Variants in SRGAP3 observed in about 807,000 individuals in gnomAD.
SRGAP3 encodes the protein SLIT-ROBO Rho GTPase-activating protein 3.
Under a neutral mutation model 121.1 loss-of-function variants are expected in SRGAP3, and 39 were observed. The ratio of observed to expected loss-of-function variants is 0.32; its 90% confidence interval spans 0.25 to 0.42. The LOEUF is 0.42. SRGAP3 is among the 10% of genes least tolerant of loss of function. The pLI is 1.00. For missense variants in SRGAP3, 1,213 were observed against 1,470.6 expected, an observed-to-expected ratio of 0.82 and a Z score of 2.86; for synonymous variants, 601 against 570.0, an observed-to-expected ratio of 1.05 and a Z score of -0.77.
intron 1 of SRGAP3, among the ~76,000 whole-genome samples, chr3:9,350,646 T>C (rs1326231944): frequency 6.6e-6 from 1 of 152,252 alleles, no homozygotes; most frequent in African/African-American, 2.4e-5. Context: ...AAAGTCTTTC[T>C]GAATAGACTT....
intron 9 of SRGAP3, among the ~76,000 whole-genome samples, chr3:9,051,007 A>C (rs1945540474): frequency 7.3e-6 from 1 of 137,770 alleles, no homozygotes; most frequent in South Asian, 2.5e-4. Flanking sequence ...AATCAATATT[A>C]GCCTCATTGC....
At chr3:9,288,920 G>C (rs1017463434) in intron 3 of SRGAP3, among the ~76,000 whole-genome samples, 33 of 147,132 alleles carry the variant, frequency 2.2e-4, no homozygotes, top group African/African-American at 7.8e-4. Context: ...TTTTTCAGAT[G>C]GAGTCTCGCT....
rs772781725 is a variant in SRGAP3, at chr3:8,994,398, G to T, written c.2353C>A (p.Arg785=). ...HRASEDWWEG[R]HNGVDGLIPH... ...ATGAGTCCATCCACGCCGTTGTGCC[G>T]GCCCTCCCACCAGTCCTCCGAGGCG... The change falls in exon 19 of 22, where the codon CGG becomes AGG. Residue 785 remains arginine (R), a synonymous_variant. Transcript: ENST00000383836. The T allele has an allele frequency of 3.7e-6, 6 of 1,614,078 alleles. No individual in the cohort carries two copies. The highest frequency in any genetic ancestry group is 5.1e-6 in the Non-Finnish European group (6 of 1,180,052).
At chr3:9,318,790 G>A (rs1464035875) in intron 3 of SRGAP3, among the ~76,000 whole-genome samples, 1 of 151,532 alleles carries the variant, frequency 6.6e-6, no homozygotes, top group African/African-American at 2.4e-5. Flanking sequence ...GAGATGGGGG[G>A]ATCGCTTGAG....
At chr3:9,149,733 TC>T (rs1950149530) in intron 1 of SRGAP3, among the ~76,000 whole-genome samples, 2 of 152,200 alleles carry the variant, frequency 1.3e-5, no homozygotes, top group Non-Finnish European at 2.9e-5. Flanking sequence ...CCAGCCAAGT[TC>T]AACAGAACTG....
intron 1 of SRGAP3, among the ~76,000 whole-genome samples, chr3:9,361,259 T>C (rs750604846): frequency 1.3e-4 from 20 of 152,152 alleles, no homozygotes; most frequent in Non-Finnish European, 2.8e-4. Flanking sequence ...AGTGTCACCA[T>C]GCCTAGCTAA....
intron 3 of SRGAP3, among the ~76,000 whole-genome samples, chr3:9,094,795 G>C (rs1001293187): frequency 1.3e-5 from 2 of 151,896 alleles, no homozygotes; most frequent in African/African-American, 2.4e-5. Flanking sequence ...TTGCTCGGTT[G>C]CCCAGGCTGG....
At position 9,202,842 on chromosome 3, in the gene SRGAP3, G is replaced by A. The variant is rs559716660; in HGVS notation, c.67+46043C>T. Among the ~76,000 whole-genome samples the A allele has an allele frequency of 4.6e-5, 7 of 152,350 alleles. No individual in the cohort carries two copies. In the South Asian group the frequency reaches 6.2e-4, roughly 14 times the overall value. On this transcript the variant is annotated intron_variant, in intron 1 of 21. Transcript: ENST00000383836. ...CCCACAGTGGCTGACAGCTCCCAGC[G>A]GAGCCCCTCTCCAGAACATGCTCTA...
chr3:9,223,708 G>T (rs555618406), intron 1 of SRGAP3, among the ~76,000 whole-genome samples: 2 of 152,310 alleles, frequency 1.3e-5, no homozygotes, highest in South Asian at 4.1e-4. Context: ...GTGTTCCAAA[G>T]GCATTTTATC....
intron 1 of SRGAP3, among the ~76,000 whole-genome samples, chr3:9,204,345 G>C (rs1162703645): frequency 6.6e-6 from 1 of 152,174 alleles, no homozygotes; most frequent in Non-Finnish European, 1.5e-5. Context: ...GACAGAGCAT[G>C]AAGAGAGTTC....
intron 4 of SRGAP3, among the ~76,000 whole-genome samples, chr3:9,079,436 A>C (rs991031890): frequency 1.3e-5 from 2 of 152,186 alleles, no homozygotes; most frequent in Non-Finnish European, 2.9e-5. Flanking sequence ...TCTAAAACTC[A>C]TCTCAAGCAC....
intron 1 of SRGAP3, among the ~76,000 whole-genome samples, chr3:9,361,481 C>T (rs1297956750): frequency 6.6e-6 from 1 of 151,958 alleles, no homozygotes; most frequent in Non-Finnish European, 1.5e-5. Flanking sequence ...TTGTTGGGTT[C>T]CTTTCACAAT....
intron 1 of SRGAP3, among the ~76,000 whole-genome samples, chr3:9,241,830 T>G (rs909553943): frequency 1.3e-5 from 2 of 151,876 alleles, no homozygotes; most frequent in Non-Finnish European, 2.9e-5. Flanking sequence ...GTAATAATGC[T>G]CTTTGGGAGG....
chr3:9,149,213 CAAAAA>C (rs548286364), intron 1 of SRGAP3, among the ~76,000 whole-genome samples: 2 of 56,608 alleles, frequency 3.5e-5, no homozygotes, highest in African/African-American at 6.5e-5. Context: ...GACTCCGTCT[CAAAAA>C]AAAAAAAAAA....
At chr3:8,997,049 TC>T (rs1942449367) in intron 18 of SRGAP3, among the ~76,000 whole-genome samples, 1 of 152,144 alleles carries the variant, frequency 6.6e-6, no homozygotes, top group African/African-American at 2.4e-5. Flanking sequence ...AACCTCCAGC[TC>T]AGAGAAAGCA....
chr3:9,077,631 C>T (rs2125255833), intron 4 of SRGAP3, among the ~76,000 whole-genome samples: 1 of 152,330 alleles, frequency 6.6e-6, no homozygotes, highest in Non-Finnish European at 1.5e-5. Flanking sequence ...CTGTTGGGGC[C>T]TCAGCCACCC....
chr3:9,339,671 C>T (rs959142465), intron 1 of SRGAP3, among the ~76,000 whole-genome samples: 1 of 152,188 alleles, frequency 6.6e-6, no homozygotes, highest in African/African-American at 2.4e-5. Context: ...GGAAATATCC[C>T]TATATTTAAA....
At chr3:9,245,275 C>T (rs979702469) in intron 1 of SRGAP3, among the ~76,000 whole-genome samples, 1 of 152,144 alleles carries the variant, frequency 6.6e-6, no homozygotes, top group Non-Finnish European at 1.5e-5. Context: ...CTCTGAAGTC[C>T]GTCACAATCA....
intron 2 of SRGAP3, among the ~76,000 whole-genome samples, chr3:9,124,449 C>A (rs1463587491): frequency 2.6e-5 from 4 of 152,222 alleles, no homozygotes; most frequent in African/African-American, 7.2e-5. Flanking sequence ...ATAACAGCAA[C>A]AATTGATTGA....
Sources: allele counts gnomAD v4.1 joint callset (sites outside exome capture counted in the v4.1 genomes callset), GRCh38; gene constraint gnomAD v4.1.1; transcripts MANE v1.5; gene names NCBI Gene and HGNC (gene_info 2026-07-23, HGNC 2026-07-21).